The following LINGO2 variants were observed in gnomAD, a reference collection of about 807,000 sequenced individuals.
LINGO2 encodes leucine rich repeat and Ig domain containing 2.
Under a neutral mutation model 30.6 loss-of-function variants are expected in LINGO2, and 14 were observed. The ratio of observed to expected loss-of-function variants is 0.46; its 90% CI spans 0.30 to 0.72. The LOEUF is 0.72. Ranked by LOEUF, LINGO2 falls within the 30% of genes least tolerant of loss-of-function variation. The probability of loss-of-function intolerance (pLI) is 0.07; values close to 1 mark genes in which losing one functional copy is unlikely to be tolerated. For missense variants in LINGO2, 729 were observed against 751.7 expected, an observed-to-expected ratio of 0.97 and a Z score of 0.35; for synonymous variants, 317 against 288.5, an observed-to-expected ratio of 1.10 and a Z score of -1.00.
chr9:29,120,956 C>T, the LINGO2 span, among the ~76,000 whole-genome samples: 1 of 152,078 alleles, frequency 6.6e-6, no homozygotes, highest in Non-Finnish European at 1.5e-5. Flanking sequence ...ATAACTAAAT[C>T]TTGACTACAA....
the LINGO2 span, among the ~76,000 whole-genome samples, chr9:28,713,542 C>T: frequency 6.6e-6 from 1 of 152,082 alleles, no homozygotes; most frequent in Non-Finnish European, 1.5e-5. Context: ...TTCTGGTTGT[C>T]CAATTGGTAT....
chr9:27,981,467 G>C (rs535632496), intron 5 of LINGO2, among the ~76,000 whole-genome samples: 29 of 142,680 alleles, frequency 2.0e-4, no homozygotes, highest in African/African-American at 6.6e-4. Context: ...GTGGCAGAAT[G>C]AGGGTTATTT....
At chr9:28,445,440 G>A (rs1341754989) in intron 2 of LINGO2, among the ~76,000 whole-genome samples, 1 of 152,008 alleles carries the variant, frequency 6.6e-6, no homozygotes, top group Non-Finnish European at 1.5e-5. Flanking sequence ...TGCCTCTCTT[G>A]GAAAAGGAAT....
intron 4 of LINGO2, among the ~76,000 whole-genome samples, chr9:28,200,596 A>T (rs1452351): frequency 0.05 from 7,643 of 152,264 alleles, 263 homozygotes; most frequent in African/African-American, 0.091. Context: ...CTGGCTGCAA[A>T]GGTATGACTC....
At chr9:28,219,160 G>A (rs1236193303) in intron 4 of LINGO2, among the ~76,000 whole-genome samples, 1 of 152,136 alleles carries the variant, frequency 6.6e-6, no homozygotes, top group Non-Finnish European at 1.5e-5. Flanking sequence ...ACTATTGCCT[G>A]ACAATTCTCT....
intron 2 of LINGO2, among the ~76,000 whole-genome samples, chr9:28,374,206 TTATTTATA>T (rs1289312570): frequency 1.8e-5 from 2 of 109,902 alleles, no homozygotes; most frequent in Admixed American, 9.4e-5. Flanking sequence ...AAATATGTTT[TTATTTATA>T]TATATATATA....
intron 1 of LINGO2, among the ~76,000 whole-genome samples, chr9:28,501,120 G>T (rs1819865349): frequency 6.6e-6 from 1 of 152,010 alleles, no homozygotes; most frequent in Non-Finnish European, 1.5e-5. Flanking sequence ...TCTATATCAA[G>T]AAATATGTCA....
intron 4 of LINGO2, among the ~76,000 whole-genome samples, chr9:28,073,408 T>C (rs935812978): frequency 1.3e-5 from 2 of 151,950 alleles, no homozygotes; most frequent in Non-Finnish European, 2.9e-5. Context: ...TATATATTAA[T>C]AGTTAAAACA....
chr9:28,755,154 G>A, the LINGO2 span, among the ~76,000 whole-genome samples: 1 of 151,912 alleles, frequency 6.6e-6, no homozygotes, highest in Non-Finnish European at 1.5e-5. Context: ...AAGTCAAACC[G>A]ACTTTTATAC....
At chr9:28,417,138 A>C (rs1005621552) in intron 2 of LINGO2, among the ~76,000 whole-genome samples, 4 of 152,190 alleles carry the variant, frequency 2.6e-5, no homozygotes, top group African/African-American at 9.6e-5. Context: ...GGAATTTATA[A>C]AAGAAGTCAC....
the LINGO2 span, among the ~76,000 whole-genome samples, chr9:29,028,428 GTGA>G: frequency 4.2e-3 from 16 of 3,830 alleles, no homozygotes; most frequent in African/African-American, 8.9e-3. Context: ...GTGGGGGGGG[GTGA>G]GAGAGAGAGA....
intron 1 of LINGO2, among the ~76,000 whole-genome samples, chr9:28,619,564 A>C (rs1232903404): frequency 6.6e-6 from 1 of 152,134 alleles, no homozygotes; most frequent in Non-Finnish European, 1.5e-5. Flanking sequence ...ATTTTCTCCA[A>C]GTGTGTCACT....
At chr9:28,446,610 C>T (rs10812830) in intron 2 of LINGO2, among the ~76,000 whole-genome samples, 24,940 of 152,092 alleles carry the variant, frequency 0.16, 2,209 homozygotes, top group African/African-American at 0.22. Flanking sequence ...ATCTTGATCC[C>T]TTTTGTTATT....
At chr9:28,771,294 T>G in the LINGO2 span, among the ~76,000 whole-genome samples, 1 of 151,962 alleles carries the variant, frequency 6.6e-6, no homozygotes. Context: ...GGAAATAACT[T>G]CAATTGAAAG....
At chr9:28,674,042 T>A (rs1444012351), upstream of LINGO2, among the ~76,000 whole-genome samples, 2 of 151,478 alleles carry the variant, frequency 1.3e-5, no homozygotes, top group African/African-American at 4.9e-5. Flanking sequence ...AAAATACAGA[T>A]CCAGTCTCAT....
intron 3 of LINGO2, among the ~76,000 whole-genome samples, chr9:28,352,325 AC>A (rs1554709783): frequency 7.7e-6 from 1 of 129,804 alleles, no homozygotes; most frequent in Non-Finnish European, 1.6e-5. Context: ...AAATCAATGT[AC>A]AAAAATCACA....
chr9:28,171,741 G>A (rs1364879951), intron 4 of LINGO2, among the ~76,000 whole-genome samples: 3 of 151,980 alleles, frequency 2.0e-5, no homozygotes, highest in Admixed American at 6.6e-5. Flanking sequence ...GGGTGTGGTG[G>A]CTCGCGCCTG....
intron 4 of LINGO2, among the ~76,000 whole-genome samples, chr9:28,055,787 C>G (rs1053422185): frequency 6.6e-6 from 1 of 152,116 alleles, no homozygotes; most frequent in African/African-American, 2.4e-5. Context: ...ATCTTTAGTT[C>G]TATTTGAAGC....
intron 1 of LINGO2, among the ~76,000 whole-genome samples, chr9:28,573,247 C>T (rs769414653): frequency 6.6e-6 from 1 of 152,196 alleles, no homozygotes; most frequent in Non-Finnish European, 1.5e-5. Flanking sequence ...TACACTTATC[C>T]GGTTCAGAAA....
Sources: allele counts gnomAD v4.1 joint callset (sites outside exome capture counted in the v4.1 genomes callset), GRCh38; gene constraint gnomAD v4.1.1; transcripts MANE v1.5; gene names NCBI Gene and HGNC (gene_info 2026-07-23, HGNC 2026-07-21).